FAM107A: variants seen among roughly 807,000 people sequenced by gnomAD.
FAM107A encodes the protein family with sequence similarity 107 member A.
In FAM107A, 19 loss-of-function variants were observed where a neutral mutation model predicts 13.7. The observed-to-expected ratio is 1.38, with a 90% confidence interval of 0.97 to 2.03. The LOEUF (loss-of-function observed/expected upper bound fraction) is 2.03, where lower values mean the gene tolerates loss of function less well. FAM107A is among the 30% of genes most tolerant of loss of function. The probability of loss-of-function intolerance (pLI) is 0.00; values close to 1 mark genes in which losing one functional copy is unlikely to be tolerated. For synonymous variants in FAM107A, 82 were observed against 74.5 expected, an observed-to-expected ratio of 1.10 and a Z score of -0.52; for missense variants, 203 against 184.4, an observed-to-expected ratio of 1.10 and a Z score of -0.58.
chr3:58,583,730 G>T (rs1487670795), intron 1 of FAM107A, among the ~76,000 whole-genome samples: 1 of 151,844 alleles, frequency 6.6e-6, no homozygotes, highest in Non-Finnish European at 1.5e-5. Context: ...GCTCAGGCTG[G>T]AGGGCAGTGG....
chr3:58,571,322 A>G (rs2108043116), intron 1 of FAM107A, among the ~76,000 whole-genome samples: 1 of 152,316 alleles, frequency 6.6e-6, no homozygotes, highest in South Asian at 2.1e-4. Flanking sequence ...ACCTGGAAAA[A>G]GTGTTAATTA....
chr3:58,589,549 A>G (rs989870281), upstream of FAM107A, among the ~76,000 whole-genome samples: 30 of 152,196 alleles, frequency 2.0e-4, no homozygotes, highest in Admixed American at 1.3e-4. Flanking sequence ...GGAAAAGTTA[A>G]CAAGATAGTA....
intron 1 of FAM107A, among the ~76,000 whole-genome samples, chr3:58,603,856 CT>C (rs1165321832): frequency 2.4e-4 from 36 of 152,302 alleles, no homozygotes; most frequent in African/African-American, 8.4e-4. Flanking sequence ...CACCAACCTC[CT>C]GCTTTTTACA....
intron 1 of FAM107A, among the ~76,000 whole-genome samples, chr3:58,624,894 C>T (rs1360650629): frequency 1.3e-5 from 2 of 152,184 alleles, no homozygotes; most frequent in East Asian, 3.8e-4. Flanking sequence ...GCCTCAAGGG[C>T]AGGGGCTGTG....
Position 58,616,355 on chromosome 3 carries a change from A to G in FAM107A, c.-70+11061T>C, listed in dbSNP as rs1575457535. On this transcript the variant is annotated intron_variant, in intron 1 of 3. Transcript: ENST00000465970. ...ACAGAGGTCCAGGGGGCCAGGCGTT[A>G]TTGTTGTGGGTTGAATTGTATCCCC... 2.0e-5 allele frequency among the ~76,000 whole-genome samples: 3 copies of G among 152,132 alleles called. No homozygotes were observed. In the Middle Eastern group the frequency reaches 0.01, roughly 517 times the overall value.
rs559531016 is a variant in FAM107A at position 58,564,165 on chromosome 3, T to A, written c.*2423A>T. On this transcript the variant is annotated 3_prime_UTR_variant, in exon 4 of 4. Coordinates refer to ENST00000360997, the MANE Select transcript of FAM107A (RefSeq NM_001076778.3). The surrounding 1 kb of genome is among the most constrained non-coding windows in gnomAD (Gnocchi z 5.6). ...TATTTACAAGAATTCTGGAGAAGGA[T>A]GGCGGCTGGTATTGGCTTGGTGAAA... 5.9e-5 allele frequency: 9 copies of A among 152,326 alleles called. No homozygotes were observed. The East Asian group carries it at 1.5e-3, about 26-fold the overall frequency. 9.4% of individuals were successfully genotyped at this position (152,326 alleles called of 1,614,324 possible).
chr3:58,566,997 C>T (rs1033860055), intron 3 of FAM107A: 46 of 630,378 alleles, frequency 7.3e-5, no homozygotes, highest in East Asian at 5.5e-4. Context: ...TACACTGGGC[C>T]AGTGAGGAAG....
At chr3:58,571,896 A>T (rs925409245) in intron 1 of FAM107A, among the ~76,000 whole-genome samples, 1 of 152,160 alleles carries the variant, frequency 6.6e-6, no homozygotes, top group African/African-American at 2.4e-5. Flanking sequence ...CTTGCTTTTC[A>T]TCAGCCACAC....
chr3:58,621,456 C>T (rs2065954341), intron 1 of FAM107A, among the ~76,000 whole-genome samples: 1 of 152,142 alleles, frequency 6.6e-6, no homozygotes, highest in South Asian at 2.1e-4. Flanking sequence ...TTTCATTTTG[C>T]ACTGAGACTT....
chr3:58,622,496 G>A (rs1274577828), intron 1 of FAM107A, among the ~76,000 whole-genome samples: 1 of 152,176 alleles, frequency 6.6e-6, no homozygotes, highest in Non-Finnish European at 1.5e-5. Context: ...TGGTGGGGTT[G>A]GAGCTCGACA....
intron 1 of FAM107A, among the ~76,000 whole-genome samples, chr3:58,597,636 A>T (rs1291378439): frequency 6.6e-6 from 1 of 152,242 alleles, no homozygotes; most frequent in Non-Finnish European, 1.5e-5. Context: ...ATAAATTATT[A>T]ACTTAATAAT....
chr3:58,599,086 C>T (rs2065730782), intron 1 of FAM107A, among the ~76,000 whole-genome samples: 1 of 152,018 alleles, frequency 6.6e-6, no homozygotes, highest in Non-Finnish European at 1.5e-5. Context: ...GGATTACAGG[C>T]ATGTACCACC....
chr3:58,575,025 GT>G (rs2063719115), intron 1 of FAM107A, among the ~76,000 whole-genome samples: 1 of 152,226 alleles, frequency 6.6e-6, no homozygotes, highest in East Asian at 1.9e-4. Context: ...TCGGGGCCCA[GT>G]TCGTCTTGAC....
intron 1 of FAM107A, among the ~76,000 whole-genome samples, chr3:58,593,159 C>G (rs2065668043): frequency 6.6e-6 from 1 of 152,214 alleles, no homozygotes. Context: ...CCAGCCTGAT[C>G]TCTCCTCTTC....
chr3:58,606,425 T>C (rs1435419490), intron 1 of FAM107A, among the ~76,000 whole-genome samples: 1 of 152,234 alleles, frequency 6.6e-6, no homozygotes, highest in Non-Finnish European at 1.5e-5. Context: ...GAGCTTCCAT[T>C]GTGTTCTTCC....
chr3:58,576,879 C>T (rs2063735206), intron 1 of FAM107A, among the ~76,000 whole-genome samples: 1 of 152,208 alleles, frequency 6.6e-6, no homozygotes, highest in Non-Finnish European at 1.5e-5. Context: ...CATCTGATTT[C>T]CCCAAATCAC....
At position 58,566,679 on chromosome 3, in the gene FAM107A, T is replaced by C; in HGVS notation, c.344A>G (p.Glu115Gly). Residue 115 changes from glutamate (E) to glycine (G), a missense_variant, in exon 4 of 4, where the codon GAG becomes GGG. Glu to Gly is a moderately conservative substitution (Grantham distance 98). Coordinates refer to ENST00000360997, the MANE Select transcript of FAM107A (RefSeq NM_001076778.3). ...CTCGGGGGCGTGATCCTCTTCCTTC[T>C]CTGGTGGTTTTTCCAGCTGAAGGAG... ...QRLNQLEKPP[E>G]KEEDHAPEFI... 1 of 1,613,762 alleles carries C rather than the reference T, an allele frequency of 6.2e-7. No individual in the cohort carries two copies. The highest frequency in any genetic ancestry group is 2.2e-5 in the East Asian group (1 of 44,878).
intron 1 of FAM107A, among the ~76,000 whole-genome samples, chr3:58,600,659 G>A (rs911353031): frequency 2.0e-5 from 3 of 152,200 alleles, no homozygotes; most frequent in Admixed American, 6.5e-5. Flanking sequence ...AGCCACATGC[G>A]ACTATTTAAG....
intron 1 of FAM107A, among the ~76,000 whole-genome samples, chr3:58,584,618 G>A (rs2065583709): frequency 2.0e-5 from 3 of 152,156 alleles, no homozygotes; most frequent in Admixed American, 2.0e-4. Context: ...TCTGAGGCAG[G>A]AGAATAGGGT....
Sources: gnomAD v4.1 joint callset for allele counts (sites outside exome capture counted in the v4.1 genomes callset) on GRCh38, gnomAD v4.1.1 for gene constraint, Gnocchi (gnomAD v3.1) non-coding constraint, MANE v1.5 for transcripts, NCBI Gene and HGNC (gene_info 2026-07-23, HGNC 2026-07-21) for gene names.